ZNF839: variants seen among roughly 807,000 people sequenced by gnomAD.
The protein encoded by ZNF839 is renal carcinoma antigen NY-REN-50.
ZNF839 carries 38 observed loss-of-function variants against 56.4 expected under a neutral mutation model. The observed-to-expected ratio is 0.67, with a 90% CI of 0.52 to 0.88. The LOEUF is 0.88. ZNF839 is among the 40% of genes least tolerant of loss of function. The pLI is 0.00. For synonymous variants in ZNF839, 486 were observed against 493.5 expected, an observed-to-expected ratio of 0.98 and a Z score of 0.20; for missense variants, 1,091 against 1,177.6, an observed-to-expected ratio of 0.93 and a Z score of 1.08.
At chr14:102,325,357 AT>A (rs1351748273) in intron 1 of ZNF839, among the ~76,000 whole-genome samples, 4 of 150,540 alleles carry the variant, frequency 2.7e-5, no homozygotes, top group African/African-American at 4.9e-5. Flanking sequence ...AAAAAAAAAA[AT>A]GATGTAGAAT....
intron 2 of ZNF839, among the ~76,000 whole-genome samples, chr14:102,328,354 C>CAAAAAAA (rs1158691824): frequency 6.9e-5 from 2 of 28,892 alleles, no homozygotes; most frequent in African/African-American, 2.3e-4. Flanking sequence ...AACTCCATCT[C>CAAAAAAA]AAAAAAAAAA....
rs908156355 is a variant in ZNF839 at position 102,319,860 on chromosome 14, G to A, written c.95G>A (p.Arg32His). Residue 32 changes from arginine (R) to histidine (H), a missense_variant, in exon 1 of 8, where the codon CGT becomes CAT. This residue lies in a region of ZNF839 where 614 missense variants were observed against 629.2 expected (regional missense o/e 0.98). Coordinates refer to ENST00000442396, the MANE Select transcript of ZNF839 (RefSeq NM_018335.6). The surrounding 1 kb of genome is among the most constrained non-coding windows in gnomAD (Gnocchi z 4.5). ...APPGQSGSVA[R>H]VAPLGPEQLR... ...CCGGGCCAGAGCGGCAGCGTCGCAC[G>A]TGTGGCCCCGCTGGGCCCCGAGCAG... The A allele has an allele frequency of 8.6e-6, 11 of 1,277,588 alleles. No homozygotes were observed. Among genetic ancestry groups the A allele is most frequent in the East Asian group, 3.2e-5 (1 of 31,336 alleles). 79.1% of individuals were successfully genotyped at this position (1,277,588 alleles called of 1,614,324 possible).
At chr14:102,330,398 A>C (rs2073716345) in intron 2 of ZNF839, among the ~76,000 whole-genome samples, 1 of 150,876 alleles carries the variant, frequency 6.6e-6, no homozygotes, top group Admixed American at 6.6e-5. Context: ...ATGCCCAGCT[A>C]ATTTTTTGTA....
rs189648137 is a variant in ZNF839, at chr14:102,336,021, A to G, written c.1659+183A>G. 4.2e-3 allele frequency among the ~76,000 whole-genome samples: 639 copies of G among 152,288 alleles called. 7 individuals carry two copies. Among genetic ancestry groups the G allele is most frequent in the African/African-American group, 0.015 (604 of 41,568 alleles). On this transcript the variant is annotated intron_variant, in intron 5 of 7. Coordinates refer to ENST00000442396, the MANE Select transcript of ZNF839 (RefSeq NM_018335.6). ...TGACAAAACTCAGTCTCTACTAAAA[A>G]TACAAAAATTAGCTGGGCGTGGTGG... is the stretch of plus-strand genomic sequence containing the variant.
chr14:102,328,139 C>G (rs912744237), intron 2 of ZNF839, among the ~76,000 whole-genome samples: 27 of 151,556 alleles, frequency 1.8e-4, no homozygotes, highest in African/African-American at 6.0e-4. Context: ...CGGATCACCT[C>G]AGGTGACGAG....
chr14:102,324,786 T>A (rs1323248497), intron 1 of ZNF839, among the ~76,000 whole-genome samples: 1 of 151,798 alleles, frequency 6.6e-6, no homozygotes, highest in African/African-American at 2.4e-5. Context: ...CTGTCTCTAC[T>A]AAAAATACAA....
chr14:102,341,920 G>T lies in ZNF839; in HGVS notation c.2525G>T (p.Gly842Val). 1 of 1,614,032 alleles carries T rather than the reference G, an allele frequency of 6.2e-7. No individual in the cohort carries two copies. The highest frequency in any genetic ancestry group is 1.1e-5 in the South Asian group (1 of 91,090). Reference sequence around the variant, plus strand: ...GAAGGGTGTCTCAGAAGCCTTTCGGGGGACTTGAACCGGTTCCCCTGTGGG... The same window carrying T: ...GAAGGGTGTCTCAGAAGCCTTTCGGTGGACTTGAACCGGTTCCCCTGTGGG... ...LTEGCLRSLS[G>V]DLNRFPCGME... Residue 842 changes from glycine (G) to valine (V), a missense_variant, in exon 8 of 8, where the codon GGG (glycine) becomes GTG (valine). By Grantham distance (109) the Gly-to-Val change is moderately radical. Around this residue, in one of 3 missense-constraint regions of ZNF839, gnomAD observed 431 missense variants for 468.0 expected, o/e 0.92. Transcript: ENST00000442396.
At position 102,332,790 on chromosome 14, in the gene ZNF839, A is replaced by T. The variant is rs994916317; in HGVS notation, c.1416+944A>T. On this transcript the variant is annotated intron_variant, in intron 3 of 7. Transcript: ENST00000442396. The surrounding 1 kb of genome is among the most constrained non-coding windows in gnomAD (Gnocchi z 4.9). The stretch of plus-strand genomic sequence containing the variant: ...CTGGGCATGGTGGCAGGCGCCTGTA[A>T]TCCCAGCCACTTGGGAGACTGAGGG... 1.3e-5 allele frequency among the ~76,000 whole-genome samples: 2 copies of T among 152,120 alleles called. No individual in the cohort carries two copies. Among genetic ancestry groups the T allele is most frequent in the Non-Finnish European group, 2.9e-5 (2 of 68,014 alleles).
chr14:102,341,917 C>T lies in ZNF839; in HGVS notation c.2522C>T (p.Ser841Leu), dbSNP rs764554448. The T allele has an allele frequency of 8.7e-6, 14 of 1,614,010 alleles. No homozygotes were observed. The highest frequency in any genetic ancestry group is 4.5e-5 in the East Asian group (2 of 44,886). ...LLTEGCLRSL[S>L]GDLNRFPCGM... ...ACTGAAGGGTGTCTCAGAAGCCTTT[C>T]GGGGGACTTGAACCGGTTCCCCTGT... The change falls in exon 8 of 8, where the codon TCG becomes TTG. Residue 841 changes from serine (S) to leucine (L), a missense_variant. Transcript: ENST00000442396.
intron 1 of ZNF839, among the ~76,000 whole-genome samples, chr14:102,322,964 C>T (rs2073211359): frequency 6.6e-6 from 1 of 152,248 alleles, no homozygotes; most frequent in East Asian, 1.9e-4. Flanking sequence ...GGTGCCACCT[C>T]TCTACAATTC....
At position 102,320,327 on chromosome 14, in the gene ZNF839, C is replaced by T. The variant is rs1686216916; in HGVS notation, c.288+274C>T. 2.0e-5 allele frequency among the ~76,000 whole-genome samples: 3 copies of T among 152,196 alleles called. 1 individual carries two copies. The South Asian group carries it at 6.2e-4, about 32-fold the overall frequency. On this transcript the variant is annotated intron_variant, in intron 1 of 7. Transcript: ENST00000442396. ...TCTGCCTTCACAGCCCTGCTGGGGGCTTTTGCGTGCTCCCTAGCTCTTCTT... is the reference window on the plus strand; with the variant it reads ...TCTGCCTTCACAGCCCTGCTGGGGGTTTTTGCGTGCTCCCTAGCTCTTCTT...
Position 102,342,318 on chromosome 14 carries a change from G to A in ZNF839, c.*139G>A. ...CAAGCAATGTATATTTTTCTAATGT[G>A]AATATTGCACAGATGAACCTTTTAT... is the stretch of plus-strand genomic sequence containing the variant. On this transcript the variant is annotated 3_prime_UTR_variant, in exon 8 of 8. Transcript: ENST00000442396. The A allele has an allele frequency of 1.9e-6, 2 of 1,070,768 alleles. No individual in the cohort carries two copies. Among genetic ancestry groups the A allele is most frequent in the Non-Finnish European group, 2.7e-6 (2 of 750,854 alleles). The allele number at this position is 1,070,768 out of a possible 1,614,324, so 66.3% of individuals were successfully genotyped here.
chr14:102,322,256 C>T (rs934491795), intron 1 of ZNF839, among the ~76,000 whole-genome samples: 2 of 152,176 alleles, frequency 1.3e-5, no homozygotes, highest in Non-Finnish European at 1.5e-5. Context: ...CCTTCAGAAT[C>T]ATCAGTGGAG....
chr14:102,341,826 G>A lies in ZNF839; in HGVS notation c.2431G>A (p.Val811Met), dbSNP rs546835162. The A allele has an allele frequency of 2.4e-5, 39 of 1,613,952 alleles. No individual in the cohort carries two copies. Among genetic ancestry groups the A allele is most frequent in the Non-Finnish European group, 3.1e-5 (36 of 1,179,916 alleles). ...EKILSVDSVA[V>M]DCAYRTVPKP... is the part of the protein sequence containing the mutation. ...AATTTTGTCTGTGGATAGCGTGGCA[G>A]TGGACTGTGCCTACAGGACTGTGCC... The change falls in exon 8 of 8, where the codon GTG becomes ATG. Residue 811 changes from valine (V) to methionine (M), a missense_variant. Transcript: ENST00000442396.
At chr14:102,333,977 T>G (rs2073907870) in intron 3 of ZNF839, among the ~76,000 whole-genome samples, 1 of 152,142 alleles carries the variant, frequency 6.6e-6, no homozygotes, top group Admixed American at 6.5e-5. Flanking sequence ...CTCATCTCCC[T>G]CCCCTGCCAC....
At chr14:102,321,456 G>A (rs1303154061) in intron 1 of ZNF839, among the ~76,000 whole-genome samples, 1 of 152,188 alleles carries the variant, frequency 6.6e-6, no homozygotes, top group Non-Finnish European at 1.5e-5. Context: ...TAAAGCAAAA[G>A]CAAACTTATT....
rs770270056 is a variant in ZNF839, at chr14:102,338,925, G to A, written c.1769G>A (p.Gly590Glu). 1.9e-6 allele frequency: 3 copies of A among 1,614,006 alleles called. No individual in the cohort carries two copies. The highest frequency in any genetic ancestry group is 2.5e-6 in the Non-Finnish European group (3 of 1,179,892). The change falls in exon 6 of 8, where the codon GGA becomes GAA. Residue 590 changes from glycine to glutamate, a missense_variant. Gly to Glu is a moderately conservative substitution (Grantham distance 98). Transcript: ENST00000442396. ...SRDMDGEQLE[G>E]ASSEKREREA... ...GACATGGATGGGGAGCAGCTAGAGG[G>A]AGCTAGCAGCGAGAAGAGGGAACGT...
At chr14:102,336,685 T>G (rs1885763392) in intron 5 of ZNF839, 2 of 419,886 alleles carry the variant, frequency 4.8e-6, no homozygotes, top group South Asian at 3.5e-5. Flanking sequence ...CACCATAATC[T>G]TCCCACTCAC....
chr14:102,326,355 T>C lies in ZNF839; in HGVS notation c.659T>C (p.Leu220Pro), dbSNP rs1213739206. 1.2e-6 allele frequency: 2 copies of C among 1,610,084 alleles called. No homozygotes were observed. Among genetic ancestry groups the C allele is most frequent in the South Asian group, 2.2e-5 (2 of 90,570 alleles). Residue 220 changes from leucine to proline, a missense_variant, in exon 2 of 8, where the codon CTT becomes CCT. Leu to Pro is a moderately conservative substitution (Grantham distance 98). Transcript: ENST00000442396. This position sits in a 1 kb window ranked among gnomAD's most constrained non-coding sequence, Gnocchi z 4.3. ...TCTGACCCGCTGGCAGTAACATCTCTTTCATCCAGTTCAGCACATCCATTT... is the reference window on the plus strand; with the variant it reads ...TCTGACCCGCTGGCAGTAACATCTCCTTCATCCAGTTCAGCACATCCATTT... Reference protein sequence around the residue: ...SASDPLAVTSLSSSSAHPFIS... With the variant: ...SASDPLAVTSPSSSSAHPFIS...
Sources: gnomAD v4.1 joint callset for allele counts (sites outside exome capture counted in the v4.1 genomes callset) on GRCh38, gnomAD v4.1.1 for gene constraint, gnomAD v4.1.1 regional missense constraint, Gnocchi (gnomAD v3.1) non-coding constraint, MANE v1.5 for transcripts, NCBI Gene and HGNC (gene_info 2026-07-23, HGNC 2026-07-21) for gene names.